Variants in BCAN observed in about 807,000 individuals in gnomAD.
BCAN encodes the protein brevican core protein.
BCAN carries 51 observed loss-of-function variants against 92.4 expected under a neutral mutation model. That is an observed-to-expected ratio of 0.55 (90% CI 0.44 to 0.70). BCAN has a LOEUF of 0.70. Among genes scored for constraint, BCAN ranks in the 30% least tolerant of loss-of-function variants. BCAN has a pLI of 0.00. For synonymous variants in BCAN, 501 were observed against 505.2 expected, an observed-to-expected ratio of 0.99 and a Z score of 0.11; for missense variants, 1,140 against 1,212.1, an observed-to-expected ratio of 0.94 and a Z score of 0.88.
At position 156,656,408 on chromosome 1, in the gene BCAN, G is replaced by T; in HGVS notation, c.2050+19G>T. On this transcript the variant is annotated intron_variant, in intron 9 of 13. Transcript: ENST00000329117. ...GATGTTGGTGAGTGTTGAGGGACGG[G>T]GGGCAGGTTTGAAGCCTGGACCCTG... 1 of 1,343,056 alleles carries T rather than the reference G, an allele frequency of 7.4e-7. No homozygotes were observed. Among genetic ancestry groups the T allele is most frequent in the Non-Finnish European group, 9.6e-7 (1 of 1,038,872 alleles). 83.2% of individuals were successfully genotyped at this position (1,343,056 alleles called of 1,614,324 possible). A position where few individuals can be genotyped will look rare whatever the true frequency, so the allele number is the denominator to read the frequency against.
At position 156,647,130 on chromosome 1, in the gene BCAN, C is replaced by CACGGCATCGATG. The variant is rs1272256596; in HGVS notation, c.424_435dup (p.Gly142_Asp145dup). The CACGGCATCGATG allele has an allele frequency of 1.9e-6, 3 of 1,586,456 alleles. No individual in the cohort carries two copies. In the African/African-American group the frequency reaches 4.1e-5, roughly 21 times the overall value. ...AGGTATCTATCGCTGTGAGGTCCAG[C>CACGGCATCGATG]ACGGCATCGATGACAGCAGCGACGC... On this transcript the variant is annotated inframe_insertion, in exon 3 of 14. Transcript: ENST00000329117. The surrounding 1 kb of genome is among the most constrained non-coding windows in gnomAD (Gnocchi z 4.8).
Position 156,652,481 on chromosome 1 carries a change from G to C in BCAN, c.1531G>C (p.Ala511Pro). The C allele has an allele frequency of 6.2e-7, 1 of 1,606,532 alleles. No individual in the cohort carries two copies. Among genetic ancestry groups the C allele is most frequent in the African/African-American group, 1.3e-5 (1 of 74,838 alleles). ...AQEESLSQAP[A>P]RAVLQPGASP... Reference sequence around the variant, plus strand: ...GGAGGAGTCACTCTCCCAGGCGCCAGCAAGGGCAGTCCTGCAGCCTGGTGC... The same window carrying C: ...GGAGGAGTCACTCTCCCAGGCGCCACCAAGGGCAGTCCTGCAGCCTGGTGC... The change falls in exon 8 of 14, where the codon GCA (alanine) becomes CCA (proline). Residue 511 changes from alanine to proline, a missense_variant. This residue lies in a region of BCAN where 825 missense variants were observed against 871.8 expected (regional missense o/e 0.95). Coordinates refer to ENST00000329117, the MANE Select transcript of BCAN (RefSeq NM_021948.5).
chr1:156,653,522 A>T (rs1377230749), intron 8 of BCAN: 1 of 986,104 alleles, frequency 1.0e-6, no homozygotes, highest in Non-Finnish European at 1.2e-6. Flanking sequence ...CTCTCATTCC[A>T]TGGGTCTGTG....
At position 156,652,685 on chromosome 1, in the gene BCAN, C is replaced by G; in HGVS notation, c.1735C>G (p.Arg579Gly). ...TGGTCCTGAGCTATCTGGGGTCCCT[C>G]GAGGAGAGAGCGAGGAGACAGGAAG... ...TGGPELSGVP[R>G]GESEETGSSE... The change falls in exon 8 of 14, where the codon CGA becomes GGA. Residue 579 changes from arginine to glycine, a missense_variant. Physicochemically the swap from Arg to Gly is moderately radical, Grantham distance 125. This residue lies in a region of BCAN where 825 missense variants were observed against 871.8 expected (regional missense o/e 0.95). Coordinates refer to ENST00000329117, the MANE Select transcript of BCAN (RefSeq NM_021948.5). 6.2e-7 allele frequency: 1 copy of G among 1,610,928 alleles called. No homozygotes were observed. Among genetic ancestry groups the G allele is most frequent in the South Asian group, 1.1e-5 (1 of 90,854 alleles).
chr1:156,647,428 AC>A lies in BCAN; in HGVS notation c.467-79del. ...AATTGAACTTTATTTACCCTTGTGT[AC>A]AGAGGAGTGACAAGGAGGGTGAGGG... On this transcript the variant is annotated intron_variant, in intron 3 of 13. Transcript: ENST00000329117. The surrounding 1 kb of genome is among the most constrained non-coding windows in gnomAD (Gnocchi z 4.8). 1 of 1,383,426 alleles carries A rather than the reference AC, an allele frequency of 7.2e-7. No individual in the cohort carries two copies. The highest frequency in any genetic ancestry group is 9.8e-7 in the Non-Finnish European group (1 of 1,017,276). 85.7% of individuals were successfully genotyped at this position (1,383,426 alleles called of 1,614,324 possible). A position where few individuals can be genotyped will look rare whatever the true frequency, so the allele number is the denominator to read the frequency against.
chr1:156,647,074 T>G lies in BCAN; in HGVS notation c.365T>G (p.Leu122Arg), dbSNP rs1198036657. 6.2e-7 allele frequency: 1 copy of G among 1,610,178 alleles called. No homozygotes were observed. The highest frequency in any genetic ancestry group is 1.1e-5 in the South Asian group (1 of 90,922). Residue 122 changes from leucine to arginine, a missense_variant, in exon 3 of 14, where the codon CTG becomes CGG. Coordinates refer to ENST00000329117, the MANE Select transcript of BCAN (RefSeq NM_021948.5). This position sits in a 1 kb window ranked among gnomAD's most constrained non-coding sequence, Gnocchi z 4.8. ...AYPASLTDVS[L>R]ALSELRPNDS... ...CCAGCGTCGCTCACCGACGTCTCCCTGGCGCTGAGCGAGCTGCGCCCCAAC... is the reference window on the plus strand; with the variant it reads ...CCAGCGTCGCTCACCGACGTCTCCCGGGCGCTGAGCGAGCTGCGCCCCAAC...
At chr1:156,653,132 G>C (rs1377238640) in intron 8 of BCAN, 1 of 1,409,036 alleles carries the variant, frequency 7.1e-7, no homozygotes, top group East Asian at 2.6e-5. Flanking sequence ...GACCATCTGT[G>C]ACCCTTCCCT....
intron 6 of BCAN, 145 bp downstream of exon 6, chr1:156,649,006 A>G: frequency 2.9e-6 from 3 of 1,027,870 alleles, no homozygotes; most frequent in Non-Finnish European, 4.1e-6. Flanking sequence ...CTTGTCATCT[A>G]GGGTTCTAAT....
At position 156,642,468 on chromosome 1, in the gene BCAN, C is replaced by T. The variant is rs1678819950; in HGVS notation, c.-9+193C>T. On this transcript the variant is annotated intron_variant, in intron 1 of 13. Transcript: ENST00000329117. The surrounding 1 kb of genome is among the most constrained non-coding windows in gnomAD (Gnocchi z 4.2). ...GCGCCTGCAGCTGCTGCTGCCATCT[C>T]TGATCTACATGCTTCCAGCTCTGCC... The T allele has an allele frequency of 6.6e-6, 1 of 152,438 alleles. No homozygotes were observed. 9.4% of individuals were successfully genotyped at this position (152,438 alleles called of 1,614,324 possible).
At chr1:156,644,292 C>T (rs189526455) in intron 1 of BCAN, 1 of 152,234 alleles carries the variant, frequency 6.6e-6, no homozygotes, top group Non-Finnish European at 1.5e-5. Context: ...CTGGGCTGCC[C>T]GTCAGAGAGA....
Position 156,658,607 on chromosome 1 carries a change from T to C in BCAN, c.2502T>C (p.Tyr834=). The C allele has an allele frequency of 6.2e-7, 1 of 1,614,038 alleles. No homozygotes were observed. Among genetic ancestry groups the C allele is most frequent in the African/African-American group, 1.3e-5 (1 of 75,060 alleles). ...TGTTCGGCCGCCCACGGCTGCGCTA[T>C]GAGGTGGACACTGTGCTTCGCTACC... ...AQVFGRPRLR[Y]EVDTVLRYRC... Residue 834 remains tyrosine, a synonymous_variant, in exon 13 of 14, where the codon TAT becomes TAC. Transcript: ENST00000329117. The surrounding 1 kb of genome is among the most constrained non-coding windows in gnomAD (Gnocchi z 4.4).
At chr1:156,645,944 T>C in intron 1 of BCAN, 103 bp from the exon 2 acceptor site, 3 of 919,072 alleles carry the variant, frequency 3.3e-6, no homozygotes, top group Non-Finnish European at 4.8e-6. Context: ...AGGGGACTTC[T>C]GGAGCCAGGA....
rs773481602 is a variant in BCAN, at chr1:156,648,658, C to T, written c.860C>T (p.Thr287Met). ...GAGCGGGGTGCAGAGATTGCCACCA[C>T]GGGCCAACTGTATGCAGCCTGGGAT... ...CQERGAEIAT[T>M]GQLYAAWDGG... The change falls in exon 6 of 14, where the codon ACG becomes ATG. Residue 287 changes from threonine to methionine, a missense_variant. This residue lies in a region of BCAN where 825 missense variants were observed against 871.8 expected (regional missense o/e 0.95). Transcript: ENST00000329117. 14 of 1,613,132 alleles carry T rather than the reference C, an allele frequency of 8.7e-6. No individual in the cohort carries two copies. The highest frequency in any genetic ancestry group is 3.3e-5 in the Admixed American group (2 of 59,988).
Position 156,652,840 on chromosome 1 carries a change from G to C in BCAN, c.1890G>C (p.Val630=). Residue 630 remains valine, a synonymous_variant, in exon 8 of 14, where the codon GTG becomes GTC. Coordinates refer to ENST00000329117, the MANE Select transcript of BCAN (RefSeq NM_021948.5). ...PAGTSVQAQP[V]LPTDSASRGG... The stretch of plus-strand genomic sequence containing the variant: ...GGACCTCAGTGCAGGCCCAGCCAGT[G>C]CTGCCCACTGACAGCGCCAGCCGAG... 1 of 1,613,898 alleles carries C rather than the reference G, an allele frequency of 6.2e-7. No individual in the cohort carries two copies. The highest frequency in any genetic ancestry group is 8.5e-7 in the Non-Finnish European group (1 of 1,180,008).
In BCAN at chr1:156,650,256, A is replaced by C. The variant is rs574970877; in HGVS notation, c.1064-1200A>C. 2.6e-5 allele frequency among the ~76,000 whole-genome samples: 4 copies of C among 152,188 alleles called. No homozygotes were observed. The South Asian group carries it at 8.3e-4, about 32-fold the overall frequency. On this transcript the variant is annotated intron_variant, in intron 6 of 13. Transcript: ENST00000329117. ...AATGGCCTGGATCATGAGGAGGGGC[A>C]GGGGAGGGGGAATATGACTACAGTT...
chr1:156,650,208 A>G (rs1679116759), intron 6 of BCAN, among the ~76,000 whole-genome samples: 1 of 152,138 alleles, frequency 6.6e-6, no homozygotes, highest in Non-Finnish European at 1.5e-5. Context: ...TTGTGTGCCA[A>G]GCCAAGCACT....
At position 156,658,241 on chromosome 1, in the gene BCAN, C is replaced by T. The variant is rs749308954; in HGVS notation, c.2407C>T (p.His803Tyr). Reference protein sequence around the residue: ...GQWSDVPCNYHLSYTCKMGLV... With the variant: ...GQWSDVPCNYYLSYTCKMGLV... ...ATGGAGTGACGTGCCCTGCAACTAC[C>T]ACCTGTCCTACACCTGCAAGATGGG... is the stretch of plus-strand genomic sequence containing the variant. Residue 803 changes from histidine (H) to tyrosine (Y), a missense_variant, in exon 12 of 14, where the codon CAC (histidine) becomes TAC (tyrosine). By Grantham distance (83) the His-to-Tyr change is moderately conservative. This residue lies in a region of BCAN where 825 missense variants were observed against 871.8 expected (regional missense o/e 0.95). Transcript: ENST00000329117. The surrounding 1 kb of genome is among the most constrained non-coding windows in gnomAD (Gnocchi z 4.4). 9 of 1,613,928 alleles carry T rather than the reference C, an allele frequency of 5.6e-6. No individual in the cohort carries two copies. In the African/African-American group the frequency reaches 8.0e-5, roughly 14 times the overall value.
intron 1 of BCAN, 99 bp from the exon 2 acceptor site, chr1:156,645,948 G>A: frequency 2.1e-6 from 2 of 963,694 alleles, no homozygotes; most frequent in Admixed American, 5.3e-5. Context: ...GACTTCTGGA[G>A]CCAGGATATG....
chr1:156,655,893 A>G (rs911291566), intron 8 of BCAN, among the ~76,000 whole-genome samples: 2 of 152,214 alleles, frequency 1.3e-5, no homozygotes, highest in African/African-American at 2.4e-5. Context: ...GAGAAGGAAA[A>G]TGACCTGCCC....
Sources: allele counts gnomAD v4.1 joint callset (sites outside exome capture counted in the v4.1 genomes callset), GRCh38; gene constraint gnomAD v4.1.1; regional missense constraint gnomAD v4.1.1; non-coding constraint Gnocchi (gnomAD v3.1); transcripts MANE v1.5; gene names NCBI Gene and HGNC (gene_info 2026-07-23, HGNC 2026-07-21).